TECRL: variants seen among roughly 807,000 people sequenced by gnomAD.
The protein encoded by TECRL is trans-2,3-enoyl-CoA reductase like.
In TECRL, 63 loss-of-function variants were observed where a neutral mutation model predicts 52.8. That is an observed-to-expected ratio of 1.19 (90% CI 0.97 to 1.47). The LOEUF (loss-of-function observed/expected upper bound fraction) is 1.47, where lower values mean the gene tolerates loss of function less well. Among genes scored for constraint, TECRL ranks in the 40% most tolerant of loss-of-function variants. The pLI, the probability that TECRL is intolerant of heterozygous loss-of-function variation, is 0.00. For synonymous variants in TECRL, 164 were observed against 141.9 expected, an observed-to-expected ratio of 1.16 and a Z score of -1.10; for missense variants, 482 against 429.6, an observed-to-expected ratio of 1.12 and a Z score of -1.08.
rs1215061129 is a variant in TECRL, at chr4:64,371,185, C to T, written c.286+3987G>A. On this transcript the variant is annotated intron_variant, in intron 2 of 11. Coordinates refer to ENST00000381210, the MANE Select transcript of TECRL (RefSeq NM_001010874.5). ...TGTGAAAACAAAGCACTTTTAACTA[C>T]AAACCCAGTAATAATAATACATAAT... is the stretch of plus-strand genomic sequence containing the variant. Among the ~76,000 whole-genome samples the T allele has an allele frequency of 2.0e-5, 3 of 151,302 alleles. No homozygotes were observed. The Admixed American group carries it at 2.0e-4, about 10-fold the overall frequency.
intron 8 of TECRL, among the ~76,000 whole-genome samples, chr4:64,292,454 C>T (rs1012971954): frequency 4.0e-5 from 6 of 151,572 alleles, no homozygotes; most frequent in South Asian, 2.1e-4. Context: ...CACATAGTAA[C>T]GTAATAAAAA....
chr4:64,395,328 TAACA>T (rs1723868716), intron 1 of TECRL, among the ~76,000 whole-genome samples: 1 of 152,208 alleles, frequency 6.6e-6, no homozygotes, highest in East Asian at 1.9e-4. Context: ...AAAAGTTACT[TAACA>T]TTGTCATAAA....
chr4:64,406,744 G>T (rs1724754190), intron 1 of TECRL, among the ~76,000 whole-genome samples: 1 of 152,032 alleles, frequency 6.6e-6, no homozygotes, highest in Admixed American at 6.6e-5. Context: ...ATGTAACAGG[G>T]ATTGAGTCCA....
At chr4:64,320,019 G>A (rs1717788547) in intron 4 of TECRL, among the ~76,000 whole-genome samples, 2 of 151,764 alleles carry the variant, frequency 1.3e-5, no homozygotes, top group African/African-American at 2.4e-5. Flanking sequence ...TCTTGACATT[G>A]GTGTTAGATA....
intron 8 of TECRL, among the ~76,000 whole-genome samples, chr4:64,295,834 A>G (rs1723649471): frequency 6.6e-6 from 1 of 151,964 alleles, no homozygotes; most frequent in African/African-American, 2.4e-5. Context: ...GAAATGAGTG[A>G]AGCACAATAT....
intron 7 of TECRL, among the ~76,000 whole-genome samples, chr4:64,303,783 A>G (rs2109983376): frequency 6.6e-6 from 1 of 151,962 alleles, no homozygotes; most frequent in Admixed American, 6.6e-5. Flanking sequence ...TGATTTAACT[A>G]AAGCATAATA....
At chr4:64,361,128 C>T (rs1721163436) in intron 2 of TECRL, among the ~76,000 whole-genome samples, 1 of 152,148 alleles carries the variant, frequency 6.6e-6, no homozygotes, top group South Asian at 2.1e-4. Context: ...ACTTGCAGCA[C>T]AGCCTCAGCT....
intron 6 of TECRL, among the ~76,000 whole-genome samples, chr4:64,306,922 C>T (rs1724373956): frequency 6.6e-6 from 1 of 152,212 alleles, no homozygotes; most frequent in Admixed American, 6.5e-5. Flanking sequence ...TACAGGCTAA[C>T]ATTCCAAACT....
At chr4:64,315,083 A>G (rs1717401604) in intron 4 of TECRL, among the ~76,000 whole-genome samples, 1 of 152,118 alleles carries the variant, frequency 6.6e-6, no homozygotes, top group Admixed American at 6.5e-5. Context: ...CCAGTCCAAT[A>G]CACACTTAAT....
At chr4:64,381,584 CTTT>C (rs924467819) in intron 1 of TECRL, among the ~76,000 whole-genome samples, 1 of 151,022 alleles carries the variant, frequency 6.6e-6, no homozygotes, top group Non-Finnish European at 1.5e-5. Context: ...TGAGAGGTTT[CTTT>C]TTTTTAATCA....
intron 4 of TECRL, among the ~76,000 whole-genome samples, chr4:64,316,994 A>AT (rs1717539652): frequency 2.6e-5 from 4 of 152,152 alleles, no homozygotes; most frequent in African/African-American, 9.7e-5. Flanking sequence ...AAAGGTAATA[A>AT]TCGGCCAGGC....
intron 2 of TECRL, among the ~76,000 whole-genome samples, chr4:64,335,102 C>T (rs916375448): frequency 1.2e-4 from 19 of 152,176 alleles, no homozygotes; most frequent in Admixed American, 8.5e-4. Context: ...GCAGGGGTCT[C>T]CAACCCCTGG....
chr4:64,382,053 G>A (rs1390840322), intron 1 of TECRL, among the ~76,000 whole-genome samples: 1 of 151,596 alleles, frequency 6.6e-6, no homozygotes, highest in Non-Finnish European at 1.5e-5. Context: ...CACCAGTATA[G>A]CAACTCAGTG....
chr4:64,311,115 T>G (rs2110001729), intron 5 of TECRL, among the ~76,000 whole-genome samples: 1 of 152,274 alleles, frequency 6.6e-6, no homozygotes, highest in Admixed American at 6.5e-5. Context: ...TATTTATACG[T>G]TTGGGAGTTG....
At chr4:64,330,486 A>G (rs1718562858) in intron 2 of TECRL, among the ~76,000 whole-genome samples, 1 of 152,052 alleles carries the variant, frequency 6.6e-6, no homozygotes. Flanking sequence ...TCTCAAGTAA[A>G]AAAGATGTTA....
At chr4:64,367,491 C>A (rs1001536108) in intron 2 of TECRL, among the ~76,000 whole-genome samples, 1 of 152,024 alleles carries the variant, frequency 6.6e-6, no homozygotes, top group Non-Finnish European at 1.5e-5. Flanking sequence ...GGGCAAAAAA[C>A]CAACACAAAA....
At chr4:64,336,117 A>G (rs1719063903) in intron 2 of TECRL, among the ~76,000 whole-genome samples, 1 of 152,148 alleles carries the variant, frequency 6.6e-6, no homozygotes, top group Admixed American at 6.5e-5. Context: ...CTCTGGTAGA[A>G]TTCAGCTGTG....
chr4:64,295,935 T>A (rs1210436349), intron 8 of TECRL, among the ~76,000 whole-genome samples: 1 of 151,958 alleles, frequency 6.6e-6, no homozygotes, highest in Non-Finnish European at 1.5e-5. Context: ...GTATAAAAAT[T>A]GATTCCTGTG....
intron 2 of TECRL, among the ~76,000 whole-genome samples, chr4:64,358,267 C>A (rs543188444): frequency 6.6e-6 from 1 of 151,486 alleles, no homozygotes; most frequent in Admixed American, 6.6e-5. Flanking sequence ...ATGAGCATAG[C>A]GAATATTTTA....
Sources: gnomAD v4.1 joint callset for allele counts (sites outside exome capture counted in the v4.1 genomes callset) on GRCh38, gnomAD v4.1.1 for gene constraint, MANE v1.5 for transcripts, NCBI Gene and HGNC (gene_info 2026-07-23, HGNC 2026-07-21) for gene names.